ARHGAP42: variants seen among roughly 807,000 people sequenced by gnomAD.
ARHGAP42 encodes Rho GTPase activating protein 42.
A neutral mutation model predicts 125.0 loss-of-function variants in ARHGAP42; 63 were observed. That is an observed-to-expected ratio of 0.50 (90% confidence interval 0.41 to 0.62). The LOEUF (loss-of-function observed/expected upper bound fraction) is 0.62, where lower values mean the gene tolerates loss of function less well. ARHGAP42 is among the 20% of genes least tolerant of loss of function. The pLI, the probability that ARHGAP42 is intolerant of heterozygous loss-of-function variation, is 0.00. For synonymous variants in ARHGAP42, 339 were observed against 351.0 expected, an observed-to-expected ratio of 0.97 and a Z score of 0.38; for missense variants, 766 against 1,024.2, an observed-to-expected ratio of 0.75 and a Z score of 3.44.
intron 4 of ARHGAP42, among the ~76,000 whole-genome samples, chr11:100,907,233 G>A (rs1866761542): frequency 6.6e-6 from 1 of 152,208 alleles, no homozygotes; most frequent in South Asian, 2.1e-4. Context: ...AATAATGAAT[G>A]AGTTTGAACA....
chr11:100,859,689 G>C, intron 4 of ARHGAP42, 64 bp downstream of exon 4: 1 of 1,264,334 alleles, frequency 7.9e-7, no homozygotes, highest in Non-Finnish European at 1.1e-6. Flanking sequence ...CATAATTTCA[G>C]ATGTTAACAT....
At chr11:100,823,142 C>T (rs1470957944) in intron 3 of ARHGAP42, among the ~76,000 whole-genome samples, 1 of 152,080 alleles carries the variant, frequency 6.6e-6, no homozygotes, top group Non-Finnish European at 1.5e-5. Flanking sequence ...ATTACTAGGT[C>T]AAATTAAATT....
chr11:100,980,695 C>G (rs151309117), intron 22 of ARHGAP42, among the ~76,000 whole-genome samples: 14 of 150,456 alleles, frequency 9.3e-5, no homozygotes, highest in African/African-American at 3.4e-4. Context: ...CTCAGCCTCC[C>G]GAGTAGCTGG....
At chr11:100,852,141 GTCC>G (rs906907563) in intron 3 of ARHGAP42, among the ~76,000 whole-genome samples, 1 of 151,894 alleles carries the variant, frequency 6.6e-6, no homozygotes, top group African/African-American at 2.4e-5. Flanking sequence ...CTTCTCTCCT[GTCC>G]TCCTCTTTAT....
At chr11:100,979,514 G>T (rs1391684678) in intron 22 of ARHGAP42, among the ~76,000 whole-genome samples, 1 of 152,076 alleles carries the variant, frequency 6.6e-6, no homozygotes, top group Non-Finnish European at 1.5e-5. Flanking sequence ...TTCATTAGGG[G>T]TTCTCAGATT....
rs113081691 is a variant in ARHGAP42 at position 100,693,781 on chromosome 11, A to G, written c.154+5949A>G. 8.2e-3 allele frequency among the ~76,000 whole-genome samples: 1,248 copies of G among 152,254 alleles called. 9 individuals are homozygous for G. Among genetic ancestry groups the G allele is most frequent in the Non-Finnish European group, 0.013 (910 of 68,022 alleles). On this transcript the variant is annotated intron_variant, in intron 1 of 23. Transcript: ENST00000298815. ...TCCAGGAAACACAGGTAACCACTAC[A>G]CTTTAAGTCACTGAAGAGCTGATTT...
At chr11:100,889,577 AGACT>A (rs1866171900) in intron 4 of ARHGAP42, among the ~76,000 whole-genome samples, 1 of 152,182 alleles carries the variant, frequency 6.6e-6, no homozygotes. Flanking sequence ...CCACACAAAC[AGACT>A]AAGACAACGA....
chr11:100,886,111 C>A (rs1290850632), intron 4 of ARHGAP42, among the ~76,000 whole-genome samples: 1 of 152,132 alleles, frequency 6.6e-6, no homozygotes, highest in East Asian at 1.9e-4. Flanking sequence ...GATTGGATAA[C>A]CTTGGGCAAG....
chr11:100,786,623 A>G (rs11224445), intron 2 of ARHGAP42, among the ~76,000 whole-genome samples: 7,808 of 152,228 alleles, frequency 0.051, 260 homozygotes, highest in East Asian at 0.18. Context: ...AGTTGTTTTA[A>G]GCTAGTTCTG....
chr11:100,982,406 C>T lies in ARHGAP42; in HGVS notation c.2456+3357C>T, dbSNP rs1379318201. Among the ~76,000 whole-genome samples, 3 of 152,250 alleles carry T rather than the reference C, an allele frequency of 2.0e-5. No individual in the cohort carries two copies. The East Asian group carries it at 5.8e-4, about 29-fold the overall frequency. ...GCCTCGGGAAGCTGCATTTTTGTCA[C>T]CCTCCCCAAGTGATTCTTATGTACA... On this transcript the variant is annotated intron_variant, in intron 22 of 23. Transcript: ENST00000298815.
In ARHGAP42 at chr11:100,978,033, G is replaced by A. The variant is rs141819070; in HGVS notation, c.2394-954G>A. 3.4e-3 allele frequency among the ~76,000 whole-genome samples: 520 copies of A among 152,216 alleles called. 1 individual carries two copies. Among genetic ancestry groups the A allele is most frequent in the African/African-American group, 0.012 (492 of 41,532 alleles). On this transcript the variant is annotated intron_variant, in intron 21 of 23. Coordinates refer to ENST00000298815, the MANE Select transcript of ARHGAP42 (RefSeq NM_152432.4). The stretch of plus-strand genomic sequence containing the variant: ...TTTGGTTAGAAATCCAGTTACAGTG[G>A]TATAGGCAAATATATTTGTCAGTGT...
chr11:100,986,750 G>A (rs984002432), intron 22 of ARHGAP42, among the ~76,000 whole-genome samples: 1 of 152,034 alleles, frequency 6.6e-6, no homozygotes, highest in Non-Finnish European at 1.5e-5. Flanking sequence ...GACCTGCCTG[G>A]TGCCTTGATT....
At chr11:100,781,166 G>A (rs1404838966) in intron 2 of ARHGAP42, among the ~76,000 whole-genome samples, 1 of 151,940 alleles carries the variant, frequency 6.6e-6, no homozygotes, top group Non-Finnish European at 1.5e-5. Context: ...TACAATAGGT[G>A]TTTTCTTGGT....
In ARHGAP42 at chr11:100,955,677, C is replaced by T. The variant is rs73579208; in HGVS notation, c.1163-4206C>T. Among the ~76,000 whole-genome samples the T allele has an allele frequency of 1.0e-2, 1,520 of 152,140 alleles. 23 individuals carry two copies. The highest frequency in any genetic ancestry group is 0.034 in the African/African-American group (1,398 of 41,498). ...TTATCCTCCTCTCCTTGCTGTTGCC[C>T]CAGAAGTACCTTGTCCTCCACTGAA... is the stretch of plus-strand genomic sequence containing the variant. On this transcript the variant is annotated intron_variant, in intron 12 of 23. Coordinates refer to ENST00000298815, the MANE Select transcript of ARHGAP42 (RefSeq NM_152432.4).
intron 4 of ARHGAP42, among the ~76,000 whole-genome samples, chr11:100,901,650 C>G (rs1393081798): frequency 3.3e-5 from 5 of 152,240 alleles, no homozygotes; most frequent in Non-Finnish European, 7.3e-5. Context: ...CAGGCTGCCA[C>G]CTCACTGTTT....
At chr11:100,749,489 G>A (rs1265093543) in intron 1 of ARHGAP42, among the ~76,000 whole-genome samples, 1 of 149,460 alleles carries the variant, frequency 6.7e-6, no homozygotes, top group Non-Finnish European at 1.5e-5. Flanking sequence ...CGCCTGGCCT[G>A]CCCCGGAAGG....
intron 4 of ARHGAP42, among the ~76,000 whole-genome samples, chr11:100,912,026 A>G (rs1032880972): frequency 6.6e-6 from 1 of 152,154 alleles, no homozygotes; most frequent in East Asian, 1.9e-4. Context: ...TTTCAGCTCA[A>G]TTTTACCAGC....
intron 6 of ARHGAP42, among the ~76,000 whole-genome samples, chr11:100,928,875 C>T (rs1285839443): frequency 6.6e-6 from 1 of 152,104 alleles, no homozygotes; most frequent in East Asian, 1.9e-4. Flanking sequence ...ATACGTGGCC[C>T]CTTTGGTGAT....
intron 3 of ARHGAP42, among the ~76,000 whole-genome samples, chr11:100,798,124 CA>C (rs1030001338): frequency 6.6e-6 from 1 of 151,990 alleles, no homozygotes; most frequent in African/African-American, 2.4e-5. Flanking sequence ...TATGGATAAG[CA>C]AAATACATGG....
Sources: allele counts gnomAD v4.1 joint callset (sites outside exome capture counted in the v4.1 genomes callset), GRCh38; gene constraint gnomAD v4.1.1; transcripts MANE v1.5; gene names NCBI Gene and HGNC (gene_info 2026-07-23, HGNC 2026-07-21).